The following THTPA variants were observed in gnomAD, a reference collection of about 807,000 sequenced individuals.
THTPA encodes thiamine triphosphatase, also known as thiamine-triphosphatase.
Under a neutral mutation model 16.5 loss-of-function variants are expected in THTPA, and 16 were observed. The ratio of observed to expected loss-of-function variants is 0.97; its 90% CI spans 0.66 to 1.47. The LOEUF (loss-of-function observed/expected upper bound fraction) is 1.47. Ranked by LOEUF, THTPA falls within the 40% of genes most tolerant of loss-of-function variation. The pLI is 0.00. For missense variants in THTPA, 281 were observed against 280.9 expected (o/e 1.00, Z 0.00); for synonymous variants, 110 against 115.5 (o/e 0.95, Z 0.30).
the THTPA span, among the ~76,000 whole-genome samples, chr14:23,518,459 G>A: frequency 3.1e-4 from 47 of 152,342 alleles, no homozygotes; most frequent in African/African-American, 1.1e-3. The surrounding 1 kb of genome is among the most constrained non-coding windows in gnomAD (Gnocchi z 4.5). Flanking sequence ...GGTTCCTGTT[G>A]CAAACTCTGT....
the THTPA span, among the ~76,000 whole-genome samples, chr14:23,549,263 C>T: frequency 2.0e-5 from 3 of 152,164 alleles, no homozygotes; most frequent in Non-Finnish European, 4.4e-5. Context: ...CCTTCCTTTG[C>T]ACATCCCTCA....
chr14:23,512,469 G>GA, the THTPA span, among the ~76,000 whole-genome samples: 1 of 151,250 alleles, frequency 6.6e-6, no homozygotes, highest in South Asian at 2.1e-4. Context: ...TAGAAGAGGA[G>GA]AAAAAAAAGA....
the THTPA span, chr14:23,520,943 C>T: frequency 6.7e-6 from 1 of 149,514 alleles, no homozygotes; most frequent in Non-Finnish European, 1.5e-5. This position sits in a 1 kb window ranked among gnomAD's most constrained non-coding sequence, Gnocchi z 8.7. Flanking sequence ...GTCCGTTTCT[C>T]TCTTTTGTGC....
the THTPA span, chr14:23,527,845 G>A: frequency 6.6e-7 from 1 of 1,513,738 alleles, no homozygotes; most frequent in Admixed American, 2.0e-5. Context: ...TGTCAGGGAA[G>A]GATGGGACCC....
At chr14:23,524,697 C>T in the THTPA span, 7 of 1,536,238 alleles carry the variant, frequency 4.6e-6, no homozygotes, top group Non-Finnish European at 6.1e-6. This position sits in a 1 kb window ranked among gnomAD's most constrained non-coding sequence, Gnocchi z 5.6. Context: ...GCCTTTGTTG[C>T]CTCTGCTTGG....
At chr14:23,545,822 G>A in the THTPA span, among the ~76,000 whole-genome samples, 1 of 152,180 alleles carries the variant, frequency 6.6e-6, no homozygotes, top group East Asian at 1.9e-4. Flanking sequence ...AGAAGACAGA[G>A]GCTTGAGATT....
the THTPA span, chr14:23,522,353 G>A: frequency 6.5e-7 from 1 of 1,535,922 alleles, no homozygotes; most frequent in Non-Finnish European, 8.7e-7. Context: ...ATCCACGGTG[G>A]AGATGCCAGT....
the THTPA span, among the ~76,000 whole-genome samples, chr14:23,538,326 A>C: frequency 2.1e-5 from 3 of 145,472 alleles, no homozygotes; most frequent in African/African-American, 5.1e-5. Context: ...CCCAACCCCA[A>C]CTCCCCATCC....
At chr14:23,533,367 C>T in the THTPA span, 1 of 1,448,170 alleles carries the variant, frequency 6.9e-7, no homozygotes, top group Non-Finnish European at 9.1e-7. The surrounding 1 kb of genome is among the most constrained non-coding windows in gnomAD (Gnocchi z 4.8). Context: ...GCTTGTCTGG[C>T]CTCAGCCCCG....
At chr14:23,531,308 A>G in the THTPA span, 1 of 990,272 alleles carries the variant, frequency 1.0e-6, no homozygotes, top group Non-Finnish European at 1.3e-6. Context: ...TAGCCTCCAC[A>G]GTGCCTGACA....
At chr14:23,536,212 C>T in the THTPA span, among the ~76,000 whole-genome samples, 1 of 152,220 alleles carries the variant, frequency 6.6e-6, no homozygotes, top group African/African-American at 2.4e-5. Context: ...TATTTTCTCT[C>T]CATCCAGCAG....
the THTPA span, chr14:23,523,439 C>T: frequency 1.2e-3 from 1,804 of 1,534,784 alleles, 20 homozygotes; most frequent in African/African-American, 0.021. This position sits in a 1 kb window ranked among gnomAD's most constrained non-coding sequence, Gnocchi z 4.1. Context: ...CAGGTGCTGA[C>T]GGGAAAAGAG....
the THTPA span, among the ~76,000 whole-genome samples, chr14:23,550,260 G>A: frequency 3.3e-5 from 5 of 152,176 alleles, no homozygotes; most frequent in Non-Finnish European, 7.3e-5. Flanking sequence ...GAAGGCACTA[G>A]AGGCTTTGGC....
chr14:23,544,657 T>C, the THTPA span, among the ~76,000 whole-genome samples: 1 of 152,170 alleles, frequency 6.6e-6, no homozygotes, highest in Non-Finnish European at 1.5e-5. Context: ...CGGGCGTGTT[T>C]AGGGTGGTGG....
chr14:23,512,198 G>T, the THTPA span, among the ~76,000 whole-genome samples: 1 of 152,152 alleles, frequency 6.6e-6, no homozygotes, highest in African/African-American at 2.4e-5. Context: ...GGGTGCAGGG[G>T]GTTGGGGGCT....
At chr14:23,520,282 G>A in the THTPA span, among the ~76,000 whole-genome samples, 1 of 152,012 alleles carries the variant, frequency 6.6e-6, no homozygotes. The surrounding 1 kb of genome is among the most constrained non-coding windows in gnomAD (Gnocchi z 8.7). Context: ...GCTGCTTAAC[G>A]GAGAAGCTGG....
the THTPA span, chr14:23,533,711 A>C: frequency 6.5e-6 from 10 of 1,544,590 alleles, no homozygotes; most frequent in East Asian, 1.5e-4. This position sits in a 1 kb window ranked among gnomAD's most constrained non-coding sequence, Gnocchi z 4.8. Context: ...CCCGCCTGGA[A>C]GCCCTGTAGG....
At chr14:23,554,907 CAGAG>C (rs773707869), upstream of THTPA, among the ~76,000 whole-genome samples, 5 of 152,162 alleles carry the variant, frequency 3.3e-5, no homozygotes, top group Non-Finnish European at 5.9e-5. Flanking sequence ...CCATAGTCCT[CAGAG>C]GGAGTAAGAA....
the THTPA span, chr14:23,522,658 C>T: frequency 5.2e-6 from 8 of 1,536,382 alleles, no homozygotes; most frequent in African/African-American, 6.8e-5. Context: ...ACTGGCCCCC[C>T]AACAGGGCTG....
Sources: allele counts gnomAD v4.1 joint callset (sites outside exome capture counted in the v4.1 genomes callset), GRCh38; gene constraint gnomAD v4.1.1; non-coding constraint Gnocchi (gnomAD v3.1); transcripts MANE v1.5; gene names NCBI Gene and HGNC (gene_info 2026-07-23, HGNC 2026-07-21).